The following RHOH variants were observed in gnomAD, a reference collection of about 807,000 sequenced individuals.
RHOH encodes the protein rho-related GTP-binding protein RhoH.
RHOH carries 6 observed loss-of-function variants against 13.8 expected under a neutral mutation model. The observed-to-expected ratio is 0.44, with a 90% CI of 0.24 to 0.86. The LOEUF (loss-of-function observed/expected upper bound fraction) is 0.86. Ranked by LOEUF, RHOH falls within the 40% of genes least tolerant of loss-of-function variation. RHOH has a pLI of 0.24. For synonymous variants in RHOH, 117 were observed against 103.0 expected, an observed-to-expected ratio of 1.14 and a Z score of -0.82; for missense variants, 147 against 244.5, an observed-to-expected ratio of 0.60 and a Z score of 2.66.
At chr4:40,214,531 T>G (rs1042684064) in intron 1 of RHOH, among the ~76,000 whole-genome samples, 6 of 152,172 alleles carry the variant, frequency 3.9e-5, no homozygotes, top group Admixed American at 2.6e-4. Flanking sequence ...TGAAAGTAAT[T>G]TCAGGTAGGC....
intron 1 of RHOH, among the ~76,000 whole-genome samples, chr4:40,227,565 G>T (rs563118145): frequency 6.6e-6 from 1 of 152,234 alleles, no homozygotes; most frequent in African/African-American, 2.4e-5. Context: ...TCCGCAGCAG[G>T]GAACATGCTA....
At chr4:40,193,502 GAGAGA>G (rs1722827544), upstream of RHOH, 1 of 132,384 alleles carries the variant, frequency 7.6e-6, no homozygotes, top group Non-Finnish European at 1.6e-5. Context: ...GAGAGAGAGA[GAGAGA>G]GGAGAGGAGG....
At chr4:40,231,229 T>G (rs1727894436) in intron 1 of RHOH, among the ~76,000 whole-genome samples, 1 of 152,070 alleles carries the variant, frequency 6.6e-6, no homozygotes, top group East Asian at 1.9e-4. Context: ...CCTTTTCCTG[T>G]GTCTGTGAAT....
At chr4:40,217,775 A>T (rs1409877257) in intron 1 of RHOH, among the ~76,000 whole-genome samples, 5 of 152,216 alleles carry the variant, frequency 3.3e-5, no homozygotes, top group Non-Finnish European at 7.3e-5. Flanking sequence ...TAATTCCACA[A>T]GGAGTGTGTT....
At chr4:40,223,955 A>G (rs1369784765) in intron 1 of RHOH, among the ~76,000 whole-genome samples, 1 of 151,922 alleles carries the variant, frequency 6.6e-6, no homozygotes, top group Non-Finnish European at 1.5e-5. Flanking sequence ...TATTTTTAGT[A>G]GAGACAGGGT....
intron 1 of RHOH, among the ~76,000 whole-genome samples, chr4:40,231,855 G>T (rs1163102465): frequency 2.0e-5 from 3 of 152,196 alleles, no homozygotes; most frequent in African/African-American, 7.2e-5. Flanking sequence ...TCTGGGCTCC[G>T]CCTTTTAGCC....
upstream of RHOH, among the ~76,000 whole-genome samples, chr4:40,196,095 G>C (rs983667857): frequency 9.9e-5 from 15 of 152,148 alleles, no homozygotes; most frequent in African/African-American, 3.6e-4. Flanking sequence ...AATCAGAGGG[G>C]TTTAAAATAA....
At chr4:40,207,689 G>A (rs538596308) in intron 1 of RHOH, among the ~76,000 whole-genome samples, 1 of 152,346 alleles carries the variant, frequency 6.6e-6, no homozygotes, top group South Asian at 2.1e-4. Flanking sequence ...GATGGTGGCC[G>A]GGCACTGTGG....
intron 1 of RHOH, among the ~76,000 whole-genome samples, chr4:40,200,736 A>G (rs1723863933): frequency 6.6e-6 from 1 of 152,200 alleles, no homozygotes; most frequent in African/African-American, 2.4e-5. Flanking sequence ...TCATACCCGC[A>G]TTTTAACACG....
chr4:40,213,364 T>C (rs112713117), intron 1 of RHOH, among the ~76,000 whole-genome samples: 1 of 148,450 alleles, frequency 6.7e-6, no homozygotes, highest in South Asian at 2.2e-4. Context: ...GTTTCTCTTT[T>C]TTTTTTTTTC....
At chr4:40,205,739 G>C (rs1313437524) in intron 1 of RHOH, 1 of 152,126 alleles carries the variant, frequency 6.6e-6, no homozygotes, top group East Asian at 1.9e-4. Context: ...CTCATGTCAC[G>C]GTCATACAGT....
chr4:40,243,011 T>A lies in RHOH; in HGVS notation c.-209-167T>A, dbSNP rs1729440402. 1 of 195,268 alleles carries A rather than the reference T, an allele frequency of 5.1e-6. No individual in the cohort carries two copies. Among genetic ancestry groups the A allele is most frequent in the African/African-American group, 2.4e-5 (1 of 41,278 alleles). The allele number at this position is 195,268 out of a possible 1,614,324, so 12.1% of individuals were successfully genotyped here. On this transcript the variant is annotated intron_variant, in intron 2 of 2. Transcript: ENST00000381799. This position sits in a 1 kb window ranked among gnomAD's most constrained non-coding sequence, Gnocchi z 6.2. ...TGTGTGTGTGTTGGGGGAAGACAGA[T>A]CTAAGCTCTCCCTGTGAGGGGAAGA...
intron 1 of RHOH, among the ~76,000 whole-genome samples, chr4:40,235,763 C>A (rs1477030670): frequency 1.3e-5 from 2 of 151,776 alleles, no homozygotes; most frequent in African/African-American, 4.8e-5. Context: ...TGCTTGAACC[C>A]AGGAGTTGGA....
Position 40,218,257 on chromosome 4 carries a change from G to A in RHOH, c.-331+20957G>A, listed in dbSNP as rs191473112. The A allele has an allele frequency of 1.4e-3, 211 of 152,376 alleles. No individual in the cohort carries two copies. Among genetic ancestry groups the A allele is most frequent in the African/African-American group, 4.8e-3 (200 of 41,564 alleles). 9.4% of individuals were successfully genotyped at this position (152,376 alleles called of 1,614,324 possible). A position where few individuals can be genotyped will look rare whatever the true frequency, so the allele number is the denominator to read the frequency against. ...GTTGTTCTGCTACTGAGAGTCTGCA[G>A]ATGAGCTGGTGGTTTCTCCAAGCTT... On this transcript the variant is annotated intron_variant, in intron 1 of 2. Coordinates refer to ENST00000381799, the MANE Select transcript of RHOH (RefSeq NM_004310.5). The surrounding 1 kb of genome is among the most constrained non-coding windows in gnomAD (Gnocchi z 4.1).
chr4:40,224,117 T>TCA (rs1159686206), intron 1 of RHOH, among the ~76,000 whole-genome samples: 7 of 152,168 alleles, frequency 4.6e-5, no homozygotes, highest in Non-Finnish European at 8.8e-5. Flanking sequence ...ACTGTGTGAC[T>TCA]CACTTTATTG....
chr4:40,216,077 A>G (rs1259029999), intron 1 of RHOH, among the ~76,000 whole-genome samples: 2 of 151,188 alleles, frequency 1.3e-5, no homozygotes, highest in Non-Finnish European at 2.9e-5. Flanking sequence ...TTCAGCTGAC[A>G]AATGCTGTTT....
chr4:40,200,442 T>C (rs1723821289), intron 1 of RHOH: 1 of 152,134 alleles, frequency 6.6e-6, no homozygotes, highest in South Asian at 2.1e-4. Context: ...AGCCCTCACG[T>C]GAGGTCCAGG....
At chr4:40,212,453 A>G (rs555725333) in intron 1 of RHOH, among the ~76,000 whole-genome samples, 1 of 152,326 alleles carries the variant, frequency 6.6e-6, no homozygotes, top group African/African-American at 2.4e-5. Flanking sequence ...TTTGAAGTCA[A>G]CGAGGGCTTG....
In RHOH at chr4:40,246,410, T is replaced by A. The variant is rs553312572; in HGVS notation, c.*2448T>A. ...AGGGCACACTCAAATGGCTTTGCTGTCACCTGGGCAAAGACACACAGGTGA... is the reference window on the plus strand; with the variant it reads ...AGGGCACACTCAAATGGCTTTGCTGACACCTGGGCAAAGACACACAGGTGA... On this transcript the variant is annotated 3_prime_UTR_variant, in exon 3 of 3. Coordinates refer to ENST00000381799, the MANE Select transcript of RHOH (RefSeq NM_004310.5). 1 of 151,352 alleles carries A rather than the reference T, an allele frequency of 6.6e-6. No homozygotes were observed. Among genetic ancestry groups the A allele is most frequent in the South Asian group, 2.1e-4 (1 of 4,750 alleles). 9.4% of individuals were successfully genotyped at this position (151,352 alleles called of 1,614,324 possible). A position where few individuals can be genotyped will look rare whatever the true frequency, so the allele number is the denominator to read the frequency against.
Sources: gnomAD v4.1 joint callset for allele counts (sites outside exome capture counted in the v4.1 genomes callset) on GRCh38, gnomAD v4.1.1 for gene constraint, Gnocchi (gnomAD v3.1) non-coding constraint, MANE v1.5 for transcripts, NCBI Gene and HGNC (gene_info 2026-07-23, HGNC 2026-07-21) for gene names.